CTNNA3: variants seen among roughly 807,000 people sequenced by gnomAD.
The protein encoded by CTNNA3 is catenin alpha-3.
CTNNA3 carries 76 observed loss-of-function variants against 95.7 expected under a neutral mutation model. That is an observed-to-expected ratio of 0.79 (90% CI 0.66 to 0.96). The LOEUF is 0.96. CTNNA3 is among the 40% of genes least tolerant of loss of function. The probability of loss-of-function intolerance (pLI) is 0.00; values close to 1 mark genes in which losing one functional copy is unlikely to be tolerated. For synonymous variants in CTNNA3, 431 were observed against 374.4 expected (o/e 1.15, Z -1.74); for missense variants, 1,191 against 1,089.8 (o/e 1.09, Z -1.31).
chr10:66,300,174 G>A (rs778330109), intron 12 of CTNNA3, among the ~76,000 whole-genome samples: 3 of 152,010 alleles, frequency 2.0e-5, no homozygotes, highest in Non-Finnish European at 2.9e-5. Context: ...TTACAGGTGT[G>A]AGCCACCACA....
At chr10:66,031,070 G>A (rs776457249) in intron 15 of CTNNA3, among the ~76,000 whole-genome samples, 7 of 152,288 alleles carry the variant, frequency 4.6e-5, no homozygotes, top group Non-Finnish European at 1.5e-5. Flanking sequence ...ATGGTGGTGA[G>A]GATGTAGAGA....
chr10:66,037,108 G>A (rs143641269), intron 15 of CTNNA3, among the ~76,000 whole-genome samples: 63 of 151,980 alleles, frequency 4.1e-4, no homozygotes, highest in African/African-American at 1.4e-3. Context: ...TCCTGACCTC[G>A]TGATCCGCCC....
chr10:66,909,475 C>T (rs145448406), intron 7 of CTNNA3, among the ~76,000 whole-genome samples: 363 of 151,824 alleles, frequency 2.4e-3, no homozygotes, highest in African/African-American at 8.2e-3. Context: ...CACCATTACA[C>T]TCCAGCCTGG....
chr10:66,002,629 A>G (rs974766914), intron 15 of CTNNA3, among the ~76,000 whole-genome samples: 20 of 151,674 alleles, frequency 1.3e-4, no homozygotes, highest in Admixed American at 1.3e-3. Context: ...ATAGTTGTTC[A>G]AGGACCTAGG....
At chr10:67,535,794 T>C (rs1165520201) in intron 4 of CTNNA3, among the ~76,000 whole-genome samples, 2 of 141,784 alleles carry the variant, frequency 1.4e-5, no homozygotes, top group Non-Finnish European at 3.0e-5. Context: ...AGAAATTCAG[T>C]CTGATCCTCT....
intron 1 of CTNNA3, among the ~76,000 whole-genome samples, chr10:67,751,416 CA>C (rs1033953280): frequency 3.9e-5 from 6 of 152,140 alleles, no homozygotes; most frequent in Non-Finnish European, 7.3e-5. Context: ...ATCAGAGTAT[CA>C]CAGAAAAGCA....
intron 10 of CTNNA3, among the ~76,000 whole-genome samples, chr10:66,531,195 C>T (rs747301396): frequency 9.2e-5 from 14 of 151,984 alleles, no homozygotes; most frequent in South Asian, 2.1e-4. Flanking sequence ...ATCACCAATA[C>T]GTAGGGTTTG....
intron 7 of CTNNA3, chr10:67,176,928 C>T (rs1414286557): frequency 2.0e-6 from 1 of 506,490 alleles, no homozygotes. Flanking sequence ...TAATGCATTC[C>T]TCCAACAATT....
intron 7 of CTNNA3, among the ~76,000 whole-genome samples, chr10:66,898,047 A>G (rs1845571587): frequency 6.6e-6 from 1 of 152,234 alleles, no homozygotes; most frequent in Non-Finnish European, 1.5e-5. Flanking sequence ...AGGACTCAGG[A>G]GCAAAAGTGA....
intron 11 of CTNNA3, among the ~76,000 whole-genome samples, chr10:66,402,734 C>A (rs1589198165): frequency 6.6e-6 from 1 of 152,048 alleles, no homozygotes; most frequent in African/African-American, 2.4e-5. Context: ...AAAACAACAG[C>A]CAAGGAAGTT....
At chr10:67,025,475 A>G (rs1266748750) in intron 7 of CTNNA3, among the ~76,000 whole-genome samples, 1 of 152,170 alleles carries the variant, frequency 6.6e-6, no homozygotes, top group Non-Finnish European at 1.5e-5. Context: ...TAGATTACCA[A>G]TCACTCAGAA....
At chr10:67,703,543 G>C (rs1388340443) in intron 1 of CTNNA3, among the ~76,000 whole-genome samples, 2 of 152,168 alleles carry the variant, frequency 1.3e-5, no homozygotes, top group African/African-American at 4.8e-5. Context: ...TATCTCAATA[G>C]ATGCAGAAAA....
chr10:67,536,362 T>A (rs931632393), intron 4 of CTNNA3, among the ~76,000 whole-genome samples: 2 of 152,098 alleles, frequency 1.3e-5, no homozygotes, highest in Middle Eastern at 3.2e-3. Context: ...GAAATTTGTC[T>A]CCAACAATTA....
intron 15 of CTNNA3, among the ~76,000 whole-genome samples, chr10:66,009,884 T>C (rs2133388732): frequency 6.6e-6 from 1 of 152,354 alleles, no homozygotes; most frequent in Admixed American, 6.5e-5. Context: ...ATCACAGTTC[T>C]TCCAAAAATA....
rs1850558635 is a variant in CTNNA3 at position 66,983,421 on chromosome 10, A to G, written c.1047+196896T>C. 1.3e-5 allele frequency among the ~76,000 whole-genome samples: 2 copies of G among 152,162 alleles called. 1 individual carries two copies. Among genetic ancestry groups the G allele is most frequent in the Admixed American group, 1.3e-4 (2 of 15,272 alleles). On this transcript the variant is annotated intron_variant, in intron 7 of 17. Transcript: ENST00000433211. Reference sequence around the variant, plus strand: ...GTGAGTTTTGTACGGGTGCCCAGGCATCCCCAGATGGAGCAAACAAGGAAA... The same window carrying G: ...GTGAGTTTTGTACGGGTGCCCAGGCGTCCCCAGATGGAGCAAACAAGGAAA...
intron 5 of CTNNA3, among the ~76,000 whole-genome samples, chr10:67,462,334 C>T (rs1847408598): frequency 6.6e-6 from 1 of 152,180 alleles, no homozygotes; most frequent in Non-Finnish European, 1.5e-5. Context: ...AATTAATATC[C>T]TCGATTAACA....
At chr10:66,021,765 A>C (rs1156739302) in intron 15 of CTNNA3, among the ~76,000 whole-genome samples, 5 of 151,464 alleles carry the variant, frequency 3.3e-5, no homozygotes, top group Non-Finnish European at 4.4e-5. Flanking sequence ...TAAACTTAGA[A>C]TATTTTTAGC....
intron 7 of CTNNA3, among the ~76,000 whole-genome samples, chr10:67,070,010 C>A (rs1856349005): frequency 6.6e-6 from 1 of 152,150 alleles, no homozygotes; most frequent in South Asian, 2.1e-4. Flanking sequence ...TTTATACACC[C>A]ACTAGCAGAC....
At chr10:67,544,453 A>T (rs748620347) in intron 3 of CTNNA3, among the ~76,000 whole-genome samples, 34 of 152,216 alleles carry the variant, frequency 2.2e-4, no homozygotes, top group Middle Eastern at 3.4e-3. Flanking sequence ...AGCCTGGCAA[A>T]CTCTCTGAGC....
Sources: gnomAD v4.1 joint callset for allele counts (sites outside exome capture counted in the v4.1 genomes callset) on GRCh38, gnomAD v4.1.1 for gene constraint, MANE v1.5 for transcripts, NCBI Gene and HGNC (gene_info 2026-07-23, HGNC 2026-07-21) for gene names.